Variants in BRD9 observed in about 807,000 individuals in gnomAD.
BRD9 encodes the protein bromodomain-containing protein 9.
A neutral mutation model predicts 68.7 loss-of-function variants in BRD9; 47 were observed. The observed-to-expected ratio is 0.68, with a 90% CI of 0.54 to 0.87. The LOEUF (loss-of-function observed/expected upper bound fraction) is 0.87, where lower values mean the gene tolerates loss of function less well. Among genes scored for constraint, BRD9 ranks in the 40% least tolerant of loss-of-function variants. The pLI, the probability that BRD9 is intolerant of heterozygous loss-of-function variation, is 0.00. For synonymous variants in BRD9, 313 were observed against 293.9 expected (o/e 1.06, Z -0.67); for missense variants, 670 against 748.4 (o/e 0.90, Z 1.22).
At chr5:889,720 G>A (rs534481031) in intron 3 of BRD9, 73 bp from the exon 4 acceptor site, 233 of 1,589,972 alleles carry the variant, frequency 1.5e-4, no homozygotes, top group Non-Finnish European at 1.9e-4. Context: ...CAAGTTCACA[G>A]TATCTGTCTG....
intron 3 of BRD9, 135 bp from the exon 4 acceptor site, chr5:889,782 T>C: frequency 6.7e-7 from 1 of 1,495,456 alleles, no homozygotes; most frequent in Non-Finnish European, 9.0e-7. Flanking sequence ...GATATAAAGA[T>C]ACATCCGACT....
intron 14 of BRD9, among the ~76,000 whole-genome samples, chr5:867,631 G>A (rs185376094): frequency 1.9e-4 from 29 of 152,352 alleles, no homozygotes; most frequent in African/African-American, 6.5e-4. Flanking sequence ...AGATTCTTTC[G>A]GGGCCTCAAG....
intron 15 of BRD9, among the ~76,000 whole-genome samples, chr5:864,866 T>A (rs1340056024): frequency 2.0e-5 from 3 of 152,184 alleles, no homozygotes; most frequent in African/African-American, 7.2e-5. Context: ...TACTGGGATA[T>A]CGGGGGCCTC....
chr5:887,838 C>A (rs1305086620), intron 5 of BRD9, among the ~76,000 whole-genome samples: 2 of 152,194 alleles, frequency 1.3e-5, no homozygotes, highest in African/African-American at 4.8e-5. Context: ...TGAAGGCAGG[C>A]GTGCGGCACA....
At position 865,437 on chromosome 5, in the gene BRD9, G is replaced by C; in HGVS notation, c.1670C>G (p.Ser557Cys). The C allele has an allele frequency of 1.3e-6, 2 of 1,588,566 alleles. No individual in the cohort carries two copies. The highest frequency in any genetic ancestry group is 1.7e-6 in the Non-Finnish European group (2 of 1,163,824). ...ACCCAGGTGGTGCTGGTCCCTCTCGGAGGCGTTGGACAGGGAGCTGAGGTT... is the reference window on the plus strand; with the variant it reads ...ACCCAGGTGGTGCTGGTCCCTCTCGCAGGCGTTGGACAGGGAGCTGAGGTT... ...SSNLSSLSNA[S>C]ERDQHHLGSP... The change falls in exon 15 of 16, where the codon TCC becomes TGC. Residue 557 changes from serine to cysteine, a missense_variant. Ser to Cys is a moderately radical substitution (Grantham distance 112, BLOSUM62 -1). This residue lies in a region of BRD9 where 280 missense variants were observed against 281.5 expected (regional missense o/e 0.99). Coordinates refer to ENST00000467963, the MANE Select transcript of BRD9 (RefSeq NM_023924.5).
Position 876,123 on chromosome 5 carries a change from C to T in BRD9, c.1361G>A (p.Arg454Lys). 3 of 1,613,122 alleles carry T rather than the reference C, an allele frequency of 1.9e-6. No homozygotes were observed. In the Middle Eastern group the frequency reaches 5.0e-4, roughly 266 times the overall value. ...LDQITGGDHS[R>K]TLFQLKQRRN... ...CACCTGCTTCAGCTGGAAGAGCGTC[C>T]TAGAGTGGTCTCCGCCTGTGATCTG... is the stretch of plus-strand genomic sequence containing the variant. Residue 454 changes from arginine to lysine, a missense_variant, in exon 12 of 16, where the codon AGG (arginine) becomes AAG (lysine). This residue lies in a region of BRD9 where 280 missense variants were observed against 281.5 expected (regional missense o/e 0.99). Coordinates refer to ENST00000467963, the MANE Select transcript of BRD9 (RefSeq NM_023924.5).
intron 11 of BRD9, among the ~76,000 whole-genome samples, chr5:877,171 T>C (rs1751077016): frequency 6.6e-6 from 1 of 152,198 alleles, no homozygotes; most frequent in Admixed American, 6.5e-5. Context: ...AGGTGACTGA[T>C]GTCCTGAAGG....
chr5:887,949 A>G (rs897120344), intron 5 of BRD9, among the ~76,000 whole-genome samples: 7 of 152,236 alleles, frequency 4.6e-5, no homozygotes, highest in Admixed American at 1.3e-4. Flanking sequence ...TGCCCCACAA[A>G]AGGACAACCT....
chr5:878,477 G>A lies in BRD9; in HGVS notation c.1149C>T (p.Leu383=), dbSNP rs1579956419. Reference sequence around the variant, plus strand: ...TCGAAAGCGCAGTAGTGGCACTGGAGAGAAAGGTGACTGGGAGGAAGAGGA... The same window carrying A: ...TCGAAAGCGCAGTAGTGGCACTGGAAAGAAAGGTGACTGGGAGGAAGAGGA... ...KDERRNKVTF[L]SSATTALSMQ... Residue 383 remains leucine, a synonymous_variant, in exon 11 of 16, where the codon CTC becomes CTT. Coordinates refer to ENST00000467963, the MANE Select transcript of BRD9 (RefSeq NM_023924.5). The A allele has an allele frequency of 3.1e-6, 5 of 1,614,192 alleles. No homozygotes were observed. The highest frequency in any genetic ancestry group is 1.1e-5 in the South Asian group (1 of 91,088).
intron 3 of BRD9, 84 bp downstream of exon 3, chr5:891,071 C>G (rs1753291811): frequency 6.9e-7 from 1 of 1,443,106 alleles, no homozygotes; most frequent in Non-Finnish European, 9.2e-7. Context: ...TGCTTCTCCC[C>G]AAAGCAACAG....
chr5:885,218 G>A (rs996695859), intron 7 of BRD9, among the ~76,000 whole-genome samples: 10 of 152,350 alleles, frequency 6.6e-5, no homozygotes, highest in Non-Finnish European at 1.0e-4. Flanking sequence ...GTGTTCACAC[G>A]GCAGCGGGGT....
At position 891,285 on chromosome 5, in the gene BRD9, T is replaced by C. The variant is rs201402002; in HGVS notation, c.270A>G (p.Glu90=). 1.9e-3 allele frequency: 2,951 copies of C among 1,551,244 alleles called. 2 individuals carry two copies. Among genetic ancestry groups the C allele is most frequent in the Non-Finnish European group, 2.5e-3 (2,810 of 1,146,704 alleles). ...LDDEERRKRK[E]EKKRKREREH... Reference sequence around the variant, plus strand: ...CCCTCTCTCGCTTCCGCTTCTTCTCTTCCTGGGCGGCAGAGTCAAGGGAGT... The same window carrying C: ...CCCTCTCTCGCTTCCGCTTCTTCTCCTCCTGGGCGGCAGAGTCAAGGGAGT... Residue 90 remains glutamate (E), a splice_region_variant and synonymous_variant, in exon 3 of 16, where the codon GAA becomes GAG. Coordinates refer to ENST00000467963, the MANE Select transcript of BRD9 (RefSeq NM_023924.5).
chr5:883,248 G>GA (rs1385973121), intron 8 of BRD9: 3 of 444,310 alleles, frequency 6.8e-6, no homozygotes, highest in African/African-American at 6.1e-5. Context: ...GACTTAATAT[G>GA]AAAAAAACCC....
rs1449457389 is a variant in BRD9, at chr5:864,116, TG to T, written c.*351del. On this transcript the variant is annotated 3_prime_UTR_variant, in exon 16 of 16. Coordinates refer to ENST00000467963, the MANE Select transcript of BRD9 (RefSeq NM_023924.5). Reference sequence around the variant, plus strand: ...AGCCTGGCCACACACCCTTCGCGTATGACTCCACTCCTCAGGGTTCACGGGG... The same window carrying T: ...AGCCTGGCCACACACCCTTCGCGTATACTCCACTCCTCAGGGTTCACGGGG... The T allele has an allele frequency of 5.8e-6, 1 of 172,390 alleles. No homozygotes were observed. Among genetic ancestry groups the T allele is most frequent in the African/African-American group, 2.4e-5 (1 of 42,018 alleles). The allele number at this position is 172,390 out of a possible 1,614,324, so 10.7% of individuals were successfully genotyped here. A position where few individuals can be genotyped will look rare whatever the true frequency, so the allele number is the denominator to read the frequency against.
intron 3 of BRD9, chr5:889,930 C>T (rs1168358858): frequency 3.7e-5 from 16 of 432,156 alleles, no homozygotes; most frequent in Non-Finnish European, 5.7e-5. Flanking sequence ...CAGCTCATAC[C>T]ACTACTCTAG....
At chr5:877,578 G>A (rs1186585878) in intron 11 of BRD9, among the ~76,000 whole-genome samples, 1 of 152,156 alleles carries the variant, frequency 6.6e-6, no homozygotes, top group African/African-American at 2.4e-5. Context: ...AATTTTACAA[G>A]AGTGACCCAC....
chr5:886,941 AGGTGCCGCAC>A (rs1292583526), intron 6 of BRD9: 3 of 633,912 alleles, frequency 4.7e-6, no homozygotes, highest in Non-Finnish European at 7.9e-6. Context: ...AGAGCGCGGC[AGGTGCCGCAC>A]CTCCCCTTTA....
chr5:880,891 C>T (rs1751635236), intron 9 of BRD9, among the ~76,000 whole-genome samples: 1 of 152,248 alleles, frequency 6.6e-6, no homozygotes, highest in South Asian at 2.1e-4. Flanking sequence ...CCAAGGAGCC[C>T]TGACCGAGGT....
At chr5:864,692 G>A in intron 15 of BRD9, 124 bp from the exon 16 acceptor site, 1 of 752,114 alleles carries the variant, frequency 1.3e-6, no homozygotes, top group Admixed American at 2.6e-5. Flanking sequence ...AGGACACAGG[G>A]GCACCTCTCA....
Sources: gnomAD v4.1 joint callset for allele counts (sites outside exome capture counted in the v4.1 genomes callset) on GRCh38, gnomAD v4.1.1 for gene constraint, gnomAD v4.1.1 regional missense constraint, MANE v1.5 for transcripts, NCBI Gene and HGNC (gene_info 2026-07-23, HGNC 2026-07-21) for gene names.